The following HSBP1L1 variants were observed in gnomAD, a reference collection of about 807,000 sequenced individuals.
The protein encoded by HSBP1L1 is heat shock factor-binding protein 1-like protein 1.
A neutral mutation model predicts 9.7 loss-of-function variants in HSBP1L1; 8 were observed. That is an observed-to-expected ratio of 0.82 (90% confidence interval 0.48 to 1.48). The LOEUF is 1.48. Among genes scored for constraint, HSBP1L1 ranks in the 40% most tolerant of loss-of-function variants. HSBP1L1 has a pLI of 0.00. For synonymous variants in HSBP1L1, 39 were observed against 34.4 expected (o/e 1.13, Z -0.46); for missense variants, 106 against 95.8 (o/e 1.11, Z -0.44).
chr18:79,967,978 C>T, intron 2 of HSBP1L1, 111 bp from the exon 3 acceptor site: 2 of 619,306 alleles, frequency 3.2e-6, no homozygotes, highest in South Asian at 2.1e-5. Context: ...TCGTTGATTC[C>T]CTCATTTCAA....
chr18:79,968,566 T>TCCAC (rs1430000908), intron 3 of HSBP1L1, among the ~76,000 whole-genome samples: 12 of 152,136 alleles, frequency 7.9e-5, no homozygotes, highest in Non-Finnish European at 4.4e-5. Flanking sequence ...CCTCAGGTGA[T>TCCAC]CCACCCACCT....
At chr18:79,970,238 T>A in intron 3 of HSBP1L1, 1 of 511,300 alleles carries the variant, frequency 2.0e-6, no homozygotes, top group Non-Finnish European at 3.6e-6. Context: ...TTAAGAAAAT[T>A]GCTTGCAAAG....
chr18:79,964,757 G>A lies in HSBP1L1; in HGVS notation c.22G>A (p.Ala8Thr). 1 of 1,411,680 alleles carries A rather than the reference G, an allele frequency of 7.1e-7. No individual in the cohort carries two copies. The highest frequency in any genetic ancestry group is 1.4e-5 in the South Asian group (1 of 69,786). The allele number at this position is 1,411,680 out of a possible 1,614,324, so 87.4% of individuals were successfully genotyped here. A position where few individuals can be genotyped will look rare whatever the true frequency, so the allele number is the denominator to read the frequency against. ...CCACATGGACGTGCGGGGCCCTGAA[G>A]CCCCCGGCGGGCGCGCGCTGCGGGA... MDVRGPE[A>T]PGGRALRDAA... Residue 8 changes from alanine to threonine, a missense_variant, in exon 1 of 4, where the codon GCC becomes ACC. Ala to Thr is a moderately conservative substitution (Grantham distance 58, BLOSUM62 0). Transcript: ENST00000451882.
chr18:79,967,147 C>CAAAAAAAAAAAAAAAAAAAAA (rs5826682), intron 2 of HSBP1L1, among the ~76,000 whole-genome samples: 2 of 105,194 alleles, frequency 1.9e-5, no homozygotes, highest in Admixed American at 9.7e-5. Flanking sequence ...GACTCCGTCT[C>CAAAAAAAAAAAAAAAAAAAAA]AAAAAAAAAA....
At chr18:79,968,483 C>T (rs560591119) in intron 3 of HSBP1L1, among the ~76,000 whole-genome samples, 1 of 152,276 alleles carries the variant, frequency 6.6e-6, no homozygotes, top group South Asian at 2.1e-4. Flanking sequence ...TGCACCACCA[C>T]ACCCAGCTAA....
chr18:79,968,129 T>C lies in HSBP1L1; in HGVS notation c.159T>C (p.Asn53=), dbSNP rs2051266790. Residue 53 remains asparagine (N), a synonymous_variant, in exon 3 of 4, where the codon AAT becomes AAC. Transcript: ENST00000451882. ...MGNRIEDLQK[N]VKDLMVQAGI... Reference sequence around the variant, plus strand: ...ATCGCATTGAGGACTTACAGAAGAATGTCAAGGACTTAATGGTGCAAGCTG... The same window carrying C: ...ATCGCATTGAGGACTTACAGAAGAACGTCAAGGACTTAATGGTGCAAGCTG... 4.5e-6 allele frequency: 7 copies of C among 1,550,360 alleles called. No homozygotes were observed. The South Asian group carries it at 7.1e-5, about 16-fold the overall frequency.
chr18:79,970,701 A>C lies in HSBP1L1; in HGVS notation c.*250A>C, dbSNP rs1335444632. 2.1e-6 allele frequency: 1 copy of C among 487,084 alleles called. No homozygotes were observed. The highest frequency in any genetic ancestry group is 3.1e-5 in the East Asian group (1 of 32,776). 30.2% of individuals were successfully genotyped at this position (487,084 alleles called of 1,614,324 possible). ...CCAGAAAACAGAACTGTGAAAAGAC[A>C]AGTTTCTGTTGTTTAAACCACCCAA... On this transcript the variant is annotated 3_prime_UTR_variant, in exon 4 of 4. Transcript: ENST00000451882.
Position 79,969,236 on chromosome 18 carries a change from G to A in HSBP1L1, c.213+1053G>A, listed in dbSNP as rs555795321. ...AGAAAGAAAGAAAGAGGAGAGAGAG[G>A]AGAGAGAGGAGAGGAGAGAGAGAGA... On this transcript the variant is annotated intron_variant, in intron 3 of 3. Coordinates refer to ENST00000451882, the MANE Select transcript of HSBP1L1 (RefSeq NM_001136180.2). Among the ~76,000 whole-genome samples the A allele has an allele frequency of 8.4e-3, 941 of 112,596 alleles. 48 individuals carry two copies. The highest frequency in any genetic ancestry group is 0.013 in the Non-Finnish European group (713 of 55,346). The allele number at this position is 112,596 out of a possible 152,430, so 73.9% of individuals were successfully genotyped here.
chr18:79,970,206 C>T, intron 3 of HSBP1L1: 1 of 467,710 alleles, frequency 2.1e-6, no homozygotes, highest in South Asian at 3.2e-5. Flanking sequence ...CAAATATCTA[C>T]CTGGTAAGTG....
intron 3 of HSBP1L1, among the ~76,000 whole-genome samples, chr18:79,968,885 C>A (rs1226467953): frequency 6.6e-6 from 1 of 151,392 alleles, no homozygotes; most frequent in Non-Finnish European, 1.5e-5. Flanking sequence ...GTAAAAATAA[C>A]AGAAAAAATG....
chr18:79,970,271 A>C, intron 3 of HSBP1L1, 169 bp from the exon 4 acceptor site: 1 of 589,188 alleles, frequency 1.7e-6, no homozygotes, highest in South Asian at 2.1e-5. Flanking sequence ...GGCAAGGTAG[A>C]CAGCAGGTAC....
At chr18:79,967,467 C>CAA (rs2051263467) in intron 2 of HSBP1L1, 1 of 152,168 alleles carries the variant, frequency 6.6e-6, no homozygotes, top group Admixed American at 6.5e-5. Context: ...ATAAGGGTCA[C>CAA]AATTGCCCCA....
intron 1 of HSBP1L1, 102 bp from the exon 2 acceptor site, chr18:79,966,510 T>A (rs1390022204): frequency 4.9e-6 from 4 of 812,758 alleles, no homozygotes; most frequent in Non-Finnish European, 6.0e-6. Flanking sequence ...GCCATTGCAC[T>A]CCAGCCTGGG....
intron 1 of HSBP1L1, 143 bp from the exon 2 acceptor site, chr18:79,966,469 G>A (rs1489646769): frequency 5.1e-6 from 3 of 591,122 alleles, no homozygotes; most frequent in East Asian, 5.9e-5. Flanking sequence ...CTTGAATCCA[G>A]GAGGCGGAGG....
chr18:79,969,861 T>C (rs1038722713), intron 3 of HSBP1L1, among the ~76,000 whole-genome samples: 1 of 152,246 alleles, frequency 6.6e-6, no homozygotes, highest in African/African-American at 2.4e-5. Context: ...TTGACTAATA[T>C]TGTTTCCAAA....
chr18:79,969,475 G>C (rs900229530), intron 3 of HSBP1L1, among the ~76,000 whole-genome samples: 4 of 152,146 alleles, frequency 2.6e-5, no homozygotes, highest in Admixed American at 1.3e-4. Flanking sequence ...GGGATCCTCT[G>C]AACCTCCAGG....
chr18:79,968,996 T>C (rs1402844617), intron 3 of HSBP1L1, among the ~76,000 whole-genome samples: 2 of 133,628 alleles, frequency 1.5e-5, no homozygotes, highest in Non-Finnish European at 3.2e-5. Flanking sequence ...ATCCTGTGAA[T>C]GGTGAAAGCC....
At chr18:79,965,303 C>T (rs1311475643) in intron 1 of HSBP1L1, among the ~76,000 whole-genome samples, 1 of 152,206 alleles carries the variant, frequency 6.6e-6, no homozygotes, top group Non-Finnish European at 1.5e-5. Flanking sequence ...AGGAAGAGAC[C>T]TGGAATCTGA....
chr18:79,964,863 G>C (rs143746862), intron 1 of HSBP1L1, 77 bp downstream of exon 1: 21 of 243,322 alleles, frequency 8.6e-5, no homozygotes, highest in Non-Finnish European at 1.2e-4. Context: ...AGGTCCTGGG[G>C]GGGGAGCCTG....
Sources: allele counts gnomAD v4.1 joint callset (sites outside exome capture counted in the v4.1 genomes callset), GRCh38; gene constraint gnomAD v4.1.1; transcripts MANE v1.5; gene names NCBI Gene and HGNC (gene_info 2026-07-23, HGNC 2026-07-21).